TAF4: variants seen among roughly 807,000 people sequenced by gnomAD.
TAF4 encodes the protein TATA-box binding protein associated factor 4.
A neutral mutation model predicts 90.3 loss-of-function variants in TAF4; 9 were observed. That is an observed-to-expected ratio of 0.10 (90% CI 0.06 to 0.17). TAF4 has a LOEUF of 0.17. Ranked by LOEUF, TAF4 falls within the 10% of genes least tolerant of loss-of-function variation. TAF4 has a pLI of 1.00. For synonymous variants in TAF4, 818 were observed against 638.9 expected, an observed-to-expected ratio of 1.28 and a Z score of -4.23; for missense variants, 1,351 against 1,370.7, an observed-to-expected ratio of 0.99 and a Z score of 0.23.
intron 1 of TAF4, among the ~76,000 whole-genome samples, chr20:62,062,983 T>C (rs780700824): frequency 1.3e-5 from 2 of 152,222 alleles, no homozygotes; most frequent in Non-Finnish European, 2.9e-5. Flanking sequence ...AAACATCTTT[T>C]TACAACGTTA....
chr20:61,989,831 G>A (rs1600829484), intron 14 of TAF4, among the ~76,000 whole-genome samples: 1 of 152,242 alleles, frequency 6.6e-6, no homozygotes, highest in Non-Finnish European at 1.5e-5. Context: ...GAGGAGGGGC[G>A]AAGCTCTGCT....
chr20:62,053,134 G>A (rs1355234733), intron 1 of TAF4, among the ~76,000 whole-genome samples: 2 of 152,132 alleles, frequency 1.3e-5, no homozygotes, highest in African/African-American at 4.8e-5. Flanking sequence ...GCAGAGCTGC[G>A]TCTGGCCCAC....
intron 1 of TAF4, among the ~76,000 whole-genome samples, chr20:62,046,095 G>A (rs1348748736): frequency 6.6e-6 from 1 of 152,220 alleles, no homozygotes; most frequent in Non-Finnish European, 1.5e-5. Context: ...GGCAGACATT[G>A]GGATTGGGAT....
chr20:62,034,832 T>C (rs201148830), intron 1 of TAF4, among the ~76,000 whole-genome samples: 6 of 117,208 alleles, frequency 5.1e-5, no homozygotes, highest in Admixed American at 1.7e-4. Context: ...GATTTCTTTT[T>C]TTTTTTGAGA....
At chr20:62,014,301 G>A (rs1002978812) in intron 2 of TAF4, among the ~76,000 whole-genome samples, 40 of 152,112 alleles carry the variant, frequency 2.6e-4, no homozygotes, top group South Asian at 4.1e-4. Flanking sequence ...CACTCGGCCC[G>A]CCCTGCAGTG....
Position 62,064,973 on chromosome 20 carries a change from G to C in TAF4, c.838C>G (p.Leu280Val), listed in dbSNP as rs2056116706. 2.7e-6 allele frequency: 1 copy of C among 368,442 alleles called. No individual in the cohort carries two copies. The highest frequency in any genetic ancestry group is 1.1e-4 in the South Asian group (1 of 8,854). The allele number at this position is 368,442 out of a possible 1,614,324, so 22.8% of individuals were successfully genotyped here. ...PPPPPPAPAT[L>V]ARPPGHPAGP... is the part of the protein sequence containing the mutation. ...GCGGGGTGGCCGGGCGGCCGGGCCA[G>C]AGTGGCGGGCGCGGGGGGTGGCGGG... is the stretch of plus-strand genomic sequence containing the variant. The change falls in exon 1 of 15, where the codon CTG (leucine) becomes GTG (valine). Residue 280 changes from leucine (L) to valine (V), a missense_variant. This residue lies in a region of TAF4 where 782 missense variants were observed against 536.6 expected (regional missense o/e 1.46). Transcript: ENST00000252996.
chr20:62,060,176 C>G (rs2145523542), intron 1 of TAF4, among the ~76,000 whole-genome samples: 1 of 152,340 alleles, frequency 6.6e-6, no homozygotes, highest in East Asian at 1.9e-4. Flanking sequence ...GCTCTGCTCT[C>G]TGCCCTGGGA....
rs1346566198 is a variant in TAF4 at position 62,010,195 on chromosome 20, G to A, written c.1642-30C>T. ...AAGAATCCAAAAACACAAGGTAAGGGCATCTCACGCCACCAGCTGACGAGG... is the reference window on the plus strand; with the variant it reads ...AAGAATCCAAAAACACAAGGTAAGGACATCTCACGCCACCAGCTGACGAGG... On this transcript the variant is annotated intron_variant, in intron 3 of 14. Coordinates refer to ENST00000252996, the MANE Select transcript of TAF4 (RefSeq NM_003185.4). This position sits in a 1 kb window ranked among gnomAD's most constrained non-coding sequence, Gnocchi z 4.5. The A allele has an allele frequency of 3.7e-6, 6 of 1,613,096 alleles. No individual in the cohort carries two copies. Among genetic ancestry groups the A allele is most frequent in the Non-Finnish European group, 5.1e-6 (6 of 1,179,898 alleles).
At position 62,064,910 on chromosome 20, in the gene TAF4, C is replaced by G; in HGVS notation, c.901G>C (p.Ala301Pro). Reference protein sequence around the residue: ...PTAAPAVPPPAAAQNGGSAGA... With the variant: ...PTAAPAVPPPPAAQNGGSAGA... ...GCGCTGCCCCCGTTCTGGGCGGCGG[C>G]GGGGGGCGGCACGGCGGGCGCGGCG... The change falls in exon 1 of 15, where the codon GCC (alanine) becomes CCC (proline). Residue 301 changes from alanine (A) to proline (P), a missense_variant. Transcript: ENST00000252996. The G allele has an allele frequency of 1.5e-6, 1 of 657,790 alleles. No homozygotes were observed. The highest frequency in any genetic ancestry group is 1.8e-6 in the Non-Finnish European group (1 of 543,092). 40.7% of individuals were successfully genotyped at this position (657,790 alleles called of 1,614,324 possible).
intron 1 of TAF4, among the ~76,000 whole-genome samples, chr20:62,043,188 G>A (rs2055973829): frequency 1.3e-5 from 2 of 152,016 alleles, no homozygotes; most frequent in African/African-American, 2.4e-5. Context: ...TGGTGGCCAC[G>A]CCTGCCTGTA....
intron 11 of TAF4, 44 bp downstream of exon 11, chr20:62,000,080 G>C (rs2055689523): frequency 6.2e-7 from 1 of 1,613,854 alleles, no homozygotes; most frequent in Non-Finnish European, 8.5e-7. Flanking sequence ...AGAGAGTGGG[G>C]GCCAACAACA....
intron 2 of TAF4, among the ~76,000 whole-genome samples, chr20:62,014,246 G>A (rs1056385885): frequency 1.3e-5 from 2 of 152,106 alleles, no homozygotes; most frequent in African/African-American, 4.8e-5. Flanking sequence ...AGGGAGAGAA[G>A]GGAAGGGGCC....
rs531021467 is a variant in TAF4, at chr20:62,026,540, G to T, written c.1361-11833C>A. Among the ~76,000 whole-genome samples the T allele has an allele frequency of 2.0e-5, 3 of 152,322 alleles. No individual in the cohort carries two copies. In the South Asian group the frequency reaches 6.2e-4, roughly 32 times the overall value. On this transcript the variant is annotated intron_variant, in intron 1 of 14. Coordinates refer to ENST00000252996, the MANE Select transcript of TAF4 (RefSeq NM_003185.4). ...GAACCGTGGTCAGGCCTGAGGAGCA[G>T]GCCACAAAGTACCAGCTCTGTGGGA...
chr20:62,006,377 C>A lies in TAF4; in HGVS notation c.2223+133G>T, dbSNP rs1350064222. The A allele has an allele frequency of 4.2e-6, 5 of 1,194,488 alleles. No homozygotes were observed. The highest frequency in any genetic ancestry group is 3.1e-4 in the Middle Eastern group (1 of 3,248). The allele number at this position is 1,194,488 out of a possible 1,614,324, so 74.0% of individuals were successfully genotyped here. A position where few individuals can be genotyped will look rare whatever the true frequency, so the allele number is the denominator to read the frequency against. On this transcript the variant is annotated intron_variant, in intron 7 of 14. Coordinates refer to ENST00000252996, the MANE Select transcript of TAF4 (RefSeq NM_003185.4). This position sits in a 1 kb window ranked among gnomAD's most constrained non-coding sequence, Gnocchi z 7.0. ...TCTATTTTAACTATTTAAGGTAATA[C>A]CCAAGCTTCCTCTAGCAGGAGGCTT...
At position 62,014,028 on chromosome 20, in the gene TAF4, GTGTGTGTGTGTGTGTGTA is replaced by G. The variant is rs940874585; in HGVS notation, c.1521+501_1521+518del. ...CTGACGCGGGGGTGTGGGTGTGTGT[GTGTGTGTGTGTGTGTGTA>G]TGTGTGTGTGTGTGTGTGTCCCTCT... On this transcript the variant is annotated intron_variant, in intron 2 of 14. Transcript: ENST00000252996. 1.4e-4 allele frequency among the ~76,000 whole-genome samples: 14 copies of G among 102,524 alleles called. 1 individual carries two copies. Among genetic ancestry groups the G allele is most frequent in the African/African-American group, 4.5e-4 (14 of 31,330 alleles). The allele number at this position is 102,524 out of a possible 152,430, so 67.3% of individuals were successfully genotyped here. A position where few individuals can be genotyped will look rare whatever the true frequency, so the allele number is the denominator to read the frequency against.
At chr20:62,053,397 T>C (rs2056041694) in intron 1 of TAF4, among the ~76,000 whole-genome samples, 1 of 152,216 alleles carries the variant, frequency 6.6e-6, no homozygotes, top group African/African-American at 2.4e-5. Context: ...TCTGCCGCTC[T>C]GGATCCGTCA....
intron 13 of TAF4, 74 bp downstream of exon 13, chr20:61,998,062 C>G (rs1207056998): frequency 6.9e-7 from 1 of 1,441,786 alleles, no homozygotes; most frequent in African/African-American, 1.4e-5. Flanking sequence ...CCACGGTTTC[C>G]TTAGCCCCCC....
chr20:62,031,319 A>G (rs946483654), intron 1 of TAF4, among the ~76,000 whole-genome samples: 1 of 152,218 alleles, frequency 6.6e-6, no homozygotes, highest in African/African-American at 2.4e-5. Context: ...GTGCAGAATC[A>G]GGCTGTGCTC....
At chr20:62,032,854 A>G (rs1600853125) in intron 1 of TAF4, among the ~76,000 whole-genome samples, 2 of 152,236 alleles carry the variant, frequency 1.3e-5, no homozygotes, top group East Asian at 3.9e-4. Context: ...TGGATGGTAC[A>G]CACCCTCCTA....
Sources: allele counts gnomAD v4.1 joint callset (sites outside exome capture counted in the v4.1 genomes callset), GRCh38; gene constraint gnomAD v4.1.1; regional missense constraint gnomAD v4.1.1; non-coding constraint Gnocchi (gnomAD v3.1); transcripts MANE v1.5; gene names NCBI Gene and HGNC (gene_info 2026-07-23, HGNC 2026-07-21).